Variants in BATF observed in about 807,000 individuals in gnomAD.
BATF encodes the protein basic leucine zipper transcriptional factor ATF-like.
BATF carries 5 observed loss-of-function variants against 13.7 expected under a neutral mutation model. The ratio of observed to expected loss-of-function variants is 0.36; its 90% confidence interval spans 0.19 to 0.77. The LOEUF (loss-of-function observed/expected upper bound fraction) is 0.77, where lower values mean the gene tolerates loss of function less well. Among genes scored for constraint, BATF ranks in the 30% least tolerant of loss-of-function variants. BATF has a pLI of 0.51. For missense variants in BATF, 124 were observed against 163.0 expected (o/e 0.76, Z 1.30); for synonymous variants, 72 against 67.5 (o/e 1.07, Z -0.33).
At position 75,546,454 on chromosome 14, in the gene BATF, C is replaced by A; in HGVS notation, c.169-8C>A. 1 of 1,614,066 alleles carries A rather than the reference C, an allele frequency of 6.2e-7. No homozygotes were observed. Among genetic ancestry groups the A allele is most frequent in the Non-Finnish European group, 8.5e-7 (1 of 1,179,962 alleles). Reference sequence around the variant, plus strand: ...ACTAACCTCCGGTGCTGATCCCCACCCCTACAGGAGAGCGAAGACCTGGAG... The same window carrying A: ...ACTAACCTCCGGTGCTGATCCCCACACCTACAGGAGAGCGAAGACCTGGAG... On this transcript the variant is annotated splice_polypyrimidine_tract_variant and splice_region_variant and intron_variant, in intron 2 of 2. Coordinates refer to ENST00000286639, the MANE Select transcript of BATF (RefSeq NM_006399.5).
At chr14:75,545,388 AT>A (rs35791450) in intron 2 of BATF, among the ~76,000 whole-genome samples, 13,771 of 105,030 alleles carry the variant, frequency 0.13, 711 homozygotes, top group African/African-American at 0.25. Flanking sequence ...CGCCTGGTTA[AT>A]TTTTTTTTTT....
chr14:75,533,152 C>T (rs1261398100), intron 2 of BATF, among the ~76,000 whole-genome samples: 1 of 152,100 alleles, frequency 6.6e-6, no homozygotes, highest in Admixed American at 6.6e-5. Context: ...AGTCCAGCTC[C>T]ATGCTGGTGT....
chr14:75,538,015 G>A (rs980090613), intron 2 of BATF, among the ~76,000 whole-genome samples: 20 of 152,132 alleles, frequency 1.3e-4, no homozygotes, highest in African/African-American at 4.6e-4. Context: ...CTGGAGTGCA[G>A]TGGTGCGATC....
intron 2 of BATF, among the ~76,000 whole-genome samples, chr14:75,538,240 C>T (rs902026954): frequency 2.0e-5 from 3 of 152,168 alleles, no homozygotes; most frequent in African/African-American, 7.2e-5. Context: ...AGGATTACAG[C>T]AACTGCACCT....
intron 2 of BATF, among the ~76,000 whole-genome samples, chr14:75,539,922 G>A (rs1887872222): frequency 6.6e-6 from 1 of 152,256 alleles, no homozygotes; most frequent in South Asian, 2.1e-4. Context: ...CTCTGCATGT[G>A]ACGTACAGGG....
At chr14:75,522,769 C>G (rs1377916650) in intron 1 of BATF, 24 bp downstream of exon 1, 34 of 1,613,560 alleles carry the variant, frequency 2.1e-5, no homozygotes, top group Non-Finnish European at 2.7e-5. Context: ...TTTTCTCTCT[C>G]CTACCTTCTG....
At chr14:75,524,799 AT>A (rs146615973) in intron 1 of BATF, among the ~76,000 whole-genome samples, 6,821 of 142,602 alleles carry the variant, frequency 0.048, 311 homozygotes, top group East Asian at 0.3. Context: ...CGCCTTAACC[AT>A]TTTTTTTTTT....
intron 2 of BATF, among the ~76,000 whole-genome samples, chr14:75,541,702 T>A (rs1273535367): frequency 6.6e-6 from 1 of 152,208 alleles, no homozygotes; most frequent in African/African-American, 2.4e-5. Flanking sequence ...CTTGCTGGGT[T>A]GCCCAGGCTG....
At chr14:75,526,931 T>C (rs1472615612) in intron 2 of BATF, among the ~76,000 whole-genome samples, 1 of 152,236 alleles carries the variant, frequency 6.6e-6, no homozygotes, top group Admixed American at 6.5e-5. Flanking sequence ...GACAATGTCC[T>C]CAGACTGGCA....
intron 1 of BATF, 28 bp downstream of exon 1, chr14:75,522,773 C>T: frequency 1.9e-6 from 3 of 1,613,222 alleles, no homozygotes; most frequent in Non-Finnish European, 2.5e-6. Flanking sequence ...CTCTCTCCTA[C>T]CTTCTGATTC....
chr14:75,546,855 AG>A lies in BATF; in HGVS notation c.*188del. ...CTCCCAGCAGTGCCGCAGCGTTTCG[AG>A]GGGCGTGTGCTGGACCCCACCACTG... On this transcript the variant is annotated 3_prime_UTR_variant, in exon 3 of 3. Transcript: ENST00000286639. 1.2e-6 allele frequency: 1 copy of A among 851,446 alleles called. No homozygotes were observed. Among genetic ancestry groups the A allele is most frequent in the South Asian group, 1.4e-5 (1 of 70,328 alleles). The allele number at this position is 851,446 out of a possible 1,614,324, so 52.7% of individuals were successfully genotyped here. A position where few individuals can be genotyped will look rare whatever the true frequency, so the allele number is the denominator to read the frequency against.
rs530323364 is a variant in BATF, at chr14:75,536,227, C to T, written c.169-10235C>T. Among the ~76,000 whole-genome samples the T allele has an allele frequency of 2.6e-5, 4 of 152,236 alleles. No individual in the cohort carries two copies. The South Asian group carries it at 6.2e-4, about 24-fold the overall frequency. On this transcript the variant is annotated intron_variant, in intron 2 of 2. Coordinates refer to ENST00000286639, the MANE Select transcript of BATF (RefSeq NM_006399.5). ...TGTCTAAGGGACGGGATTGGGGCAG[C>T]GATCAGGGGAGGCCTTCCTGAGGCC...
intron 2 of BATF, among the ~76,000 whole-genome samples, chr14:75,540,754 C>A (rs1486686967): frequency 6.6e-6 from 1 of 150,716 alleles, no homozygotes; most frequent in Non-Finnish European, 1.5e-5. Context: ...CCATAAAATA[C>A]TTAAAAGAGT....
chr14:75,541,029 G>A (rs373389233), intron 2 of BATF, among the ~76,000 whole-genome samples: 11 of 152,238 alleles, frequency 7.2e-5, no homozygotes, highest in South Asian at 4.1e-4. Flanking sequence ...CAGAGGTTGC[G>A]GTGAGCTGAG....
At chr14:75,536,750 A>AAATAAAATAAAATAAAAT (rs1351901462) in intron 2 of BATF, among the ~76,000 whole-genome samples, 62 of 151,744 alleles carry the variant, frequency 4.1e-4, no homozygotes, top group Non-Finnish European at 8.5e-4. Flanking sequence ...AAATAAAATA[A>AAATAAAATAAAATAAAAT]AATAAAATAA....
intron 2 of BATF, among the ~76,000 whole-genome samples, chr14:75,545,524 C>T (rs561702002): frequency 2.0e-5 from 3 of 151,860 alleles, no homozygotes; most frequent in South Asian, 4.2e-4. Flanking sequence ...CATGAGCCAC[C>T]GCACCTGGCC....
intron 1 of BATF, among the ~76,000 whole-genome samples, chr14:75,523,463 CAG>C (rs1887606841): frequency 6.6e-6 from 1 of 152,102 alleles, no homozygotes. Flanking sequence ...CTGGGGAAAC[CAG>C]AGAGACTGAG....
At chr14:75,542,517 G>A (rs1887911555) in intron 2 of BATF, among the ~76,000 whole-genome samples, 1 of 152,224 alleles carries the variant, frequency 6.6e-6, no homozygotes, top group African/African-American at 2.4e-5. Context: ...TGCCACCTTT[G>A]CCAGTTGTCC....
intron 1 of BATF, 67 bp downstream of exon 1, chr14:75,522,812 T>G (rs1206226346): frequency 1.3e-6 from 2 of 1,591,138 alleles, no homozygotes; most frequent in Non-Finnish European, 8.6e-7. Context: ...GAGCCAGGCT[T>G]CCTTGTCCTG....
Sources: gnomAD v4.1 joint callset for allele counts (sites outside exome capture counted in the v4.1 genomes callset) on GRCh38, gnomAD v4.1.1 for gene constraint, MANE v1.5 for transcripts, NCBI Gene and HGNC (gene_info 2026-07-23, HGNC 2026-07-21) for gene names.